RBFOX3: variants seen among roughly 807,000 people sequenced by gnomAD.
RBFOX3 encodes RNA binding fox-1 homolog 3, also known as RNA binding protein fox-1 homolog 3.
In RBFOX3, 17 loss-of-function variants were observed where a neutral mutation model predicts 48.7. That is an observed-to-expected ratio of 0.35 (90% CI 0.24 to 0.52). The LOEUF is 0.52. RBFOX3 is among the 20% of genes least tolerant of loss of function. The pLI is 0.94. For synonymous variants in RBFOX3, 212 were observed against 209.5 expected (o/e 1.01, Z -0.10); for missense variants, 382 against 497.5 (o/e 0.77, Z 2.21).
chr17:79,112,904 C>CGGGGCGGGGG (rs1555693090), intron 5 of RBFOX3, among the ~76,000 whole-genome samples: 1 of 10,358 alleles, frequency 9.7e-5, no homozygotes, highest in Admixed American at 9.2e-4. Flanking sequence ...AGCAGGCTCT[C>CGGGGCGGGGG]GGGGGGGGGG....
chr17:79,665,470 C>T, the RBFOX3 span, among the ~76,000 whole-genome samples: 1 of 150,564 alleles, frequency 6.6e-6, no homozygotes, highest in African/African-American at 2.4e-5. Flanking sequence ...GTCTGAGCTG[C>T]GGCTTTGCCA....
Position 79,225,609 on chromosome 17 carries a change from T to TTTTGCA in RBFOX3, c.-34+10156_-34+10157insTGCAAA, listed in dbSNP as rs1254231810. 2.0e-5 allele frequency among the ~76,000 whole-genome samples: 3 copies of TTTTGCA among 148,920 alleles called. No homozygotes were observed. In the South Asian group the frequency reaches 6.3e-4, roughly 31 times the overall value. On this transcript the variant is annotated intron_variant, in intron 4 of 14. Transcript: ENST00000693108. ...CCAGCCCCCGGATCAATTCTGTAAG[T>TTTTGCA]GCTCAGCTGCTGGATTGACTCTGGA...
At chr17:79,136,358 G>C (rs1248391822) in intron 4 of RBFOX3, 1 of 152,318 alleles carries the variant, frequency 6.6e-6, no homozygotes, top group Non-Finnish European at 1.5e-5. Context: ...GCCTGGACTG[G>C]GAGATGCACT....
In RBFOX3 at chr17:79,479,075, G is replaced by A. The variant is rs909510836; in HGVS notation, c.-175+3379C>T. Among the ~76,000 whole-genome samples, 10 of 152,180 alleles carry A rather than the reference G, an allele frequency of 6.6e-5. No individual in the cohort carries two copies. Among genetic ancestry groups the A allele is most frequent in the Non-Finnish European group, 1.2e-4 (8 of 68,026 alleles). On this transcript the variant is annotated intron_variant, in intron 2 of 14. Coordinates refer to ENST00000693108, the MANE Select transcript of RBFOX3 (RefSeq NM_001350451.2). This position sits in a 1 kb window ranked among gnomAD's most constrained non-coding sequence, Gnocchi z 5.1. Reference sequence around the variant, plus strand: ...ATTCCTGAATCAGAAAGGCCAGCCCGCCTCACTGGGGCAAAAGCTCCTGCA... The same window carrying A: ...ATTCCTGAATCAGAAAGGCCAGCCCACCTCACTGGGGCAAAAGCTCCTGCA...
chr17:79,463,592 T>G (rs1434139965), intron 2 of RBFOX3, among the ~76,000 whole-genome samples: 1 of 90,832 alleles, frequency 1.1e-5, no homozygotes, highest in African/African-American at 4.6e-5. Flanking sequence ...CACCGCCACC[T>G]CCACCACCAT....
At chr17:79,625,019 C>A in the RBFOX3 span, among the ~76,000 whole-genome samples, 1 of 152,094 alleles carries the variant, frequency 6.6e-6, no homozygotes, top group African/African-American at 2.4e-5. Context: ...GCATATGGCA[C>A]ACCTCCCATG....
At chr17:79,455,924 G>T (rs1287294789) in intron 2 of RBFOX3, among the ~76,000 whole-genome samples, 5 of 152,098 alleles carry the variant, frequency 3.3e-5, no homozygotes, top group African/African-American at 9.7e-5. Context: ...CACTAACCAG[G>T]TCCCACCGCA....
intron 14 of RBFOX3, among the ~76,000 whole-genome samples, chr17:79,094,032 C>T (rs954396168): frequency 6.6e-5 from 10 of 151,744 alleles, no homozygotes; most frequent in Non-Finnish European, 1.5e-5. Flanking sequence ...GCGGGTGGGC[C>T]GTGGGTATGC....
At position 79,519,199 on chromosome 17, in the gene RBFOX3, G is replaced by T. The variant is rs2085694879; in HGVS notation, c.-319-36601C>A. ...TTCTATTCTGCTTCTCTCTTGAAGG[G>T]CAGGCAGCCCTCTCGGCAGATGGGG... On this transcript the variant is annotated intron_variant, in intron 1 of 14. Transcript: ENST00000693108. 3.3e-5 allele frequency among the ~76,000 whole-genome samples: 5 copies of T among 152,236 alleles called. No individual in the cohort carries two copies. The South Asian group carries it at 8.3e-4, about 25-fold the overall frequency.
chr17:79,359,665 T>G (rs1285692530), intron 2 of RBFOX3, among the ~76,000 whole-genome samples: 1 of 151,852 alleles, frequency 6.6e-6, no homozygotes, highest in Non-Finnish European at 1.5e-5. Flanking sequence ...CAGGGAGGGC[T>G]GGCTCTGCAG....
intron 1 of RBFOX3, among the ~76,000 whole-genome samples, chr17:79,564,249 C>G (rs1487047813): frequency 6.6e-6 from 1 of 152,248 alleles, no homozygotes; most frequent in Non-Finnish European, 1.5e-5. Context: ...TTGAACAGTC[C>G]TTCCCTATGC....
chr17:79,514,865 T>C (rs2085019726), intron 1 of RBFOX3, among the ~76,000 whole-genome samples: 1 of 152,330 alleles, frequency 6.6e-6, no homozygotes, highest in East Asian at 1.9e-4. Context: ...GAAGCTGTGG[T>C]TGATGTGGAG....
chr17:79,153,511 G>A (rs1488289537), intron 4 of RBFOX3, among the ~76,000 whole-genome samples: 3 of 152,168 alleles, frequency 2.0e-5, no homozygotes, highest in African/African-American at 4.8e-5. Flanking sequence ...AAGCTGACAG[G>A]GCCCTGGGAA....
At chr17:79,315,484 C>A (rs2074834375) in intron 2 of RBFOX3, among the ~76,000 whole-genome samples, 2 of 152,248 alleles carry the variant, frequency 1.3e-5, no homozygotes, top group African/African-American at 4.8e-5. Flanking sequence ...CATCCCCCGA[C>A]AGATGGGACC....
intron 5 of RBFOX3, among the ~76,000 whole-genome samples, chr17:79,110,457 G>A (rs1292981172): frequency 6.6e-6 from 1 of 152,248 alleles, no homozygotes; most frequent in Non-Finnish European, 1.5e-5. Flanking sequence ...ACCCTGGACA[G>A]CAGGTGGGAC....
At chr17:79,338,543 C>T (rs541661803) in intron 2 of RBFOX3, among the ~76,000 whole-genome samples, 3 of 152,218 alleles carry the variant, frequency 2.0e-5, no homozygotes, top group East Asian at 1.9e-4. Context: ...CCTGAGGCAC[C>T]GCACCGCTGC....
intron 2 of RBFOX3, among the ~76,000 whole-genome samples, chr17:79,474,519 TCA>T (rs1337183713): frequency 1.3e-5 from 2 of 152,180 alleles, no homozygotes; most frequent in African/African-American, 4.8e-5. Flanking sequence ...ACTCAGCATC[TCA>T]GAGGAGGATG....
chr17:79,561,704 C>A (rs2092231185), intron 1 of RBFOX3, among the ~76,000 whole-genome samples: 1 of 152,182 alleles, frequency 6.6e-6, no homozygotes, highest in Admixed American at 6.5e-5. Context: ...AAAAGGAGCC[C>A]TCCCTTCATC....
rs1261560669 is a variant in RBFOX3, at chr17:79,243,479, T to G, written c.-73-7674A>C. Among the ~76,000 whole-genome samples, 1 of 152,164 alleles carries G rather than the reference T, an allele frequency of 6.6e-6. No individual in the cohort carries two copies. The highest frequency in any genetic ancestry group is 1.5e-5 in the Non-Finnish European group (1 of 68,034). ...TGGGCTTTGCAAAGCCCATGTGCCT[T>G]TGCCCTGGGGTGTCATTTGGGACTG... On this transcript the variant is annotated intron_variant, in intron 3 of 14. Coordinates refer to ENST00000693108, the MANE Select transcript of RBFOX3 (RefSeq NM_001350451.2). This position sits in a 1 kb window ranked among gnomAD's most constrained non-coding sequence, Gnocchi z 7.9.
Sources: gnomAD v4.1 joint callset for allele counts (sites outside exome capture counted in the v4.1 genomes callset) on GRCh38, gnomAD v4.1.1 for gene constraint, Gnocchi (gnomAD v3.1) non-coding constraint, MANE v1.5 for transcripts, NCBI Gene and HGNC (gene_info 2026-07-23, HGNC 2026-07-21) for gene names.